Variants in CACNA1C observed in about 807,000 individuals in gnomAD.
CACNA1C encodes voltage-dependent L-type calcium channel subunit alpha-1C.
In CACNA1C, 30 loss-of-function variants were observed where a neutral mutation model predicts 229.0. The ratio of observed to expected loss-of-function variants is 0.13; its 90% CI spans 0.10 to 0.18. The LOEUF is 0.18. Ranked by LOEUF, CACNA1C falls within the 10% of genes least tolerant of loss-of-function variation. CACNA1C has a pLI of 1.00. For synonymous variants in CACNA1C, 1,114 were observed against 1,132.5 expected (o/e 0.98, Z 0.33); for missense variants, 1,658 against 2,845.0 (o/e 0.58, Z 9.49).
chr12:2,039,545 G>GT (rs2049729563), intron 1 of CACNA1C, among the ~76,000 whole-genome samples: 1 of 152,182 alleles, frequency 6.6e-6, no homozygotes, highest in South Asian at 2.1e-4. Flanking sequence ...AAATTCAAAG[G>GT]TAAGTACAAC....
chr12:2,190,386 A>G (rs540940694), intron 3 of CACNA1C, among the ~76,000 whole-genome samples: 30 of 152,132 alleles, frequency 2.0e-4, no homozygotes, highest in Non-Finnish European at 3.7e-4. Context: ...GCAGTGCCCC[A>G]TTCCCTCCAT....
chr12:2,164,203 A>G (rs563761419), intron 3 of CACNA1C, among the ~76,000 whole-genome samples: 2 of 152,318 alleles, frequency 1.3e-5, no homozygotes, highest in East Asian at 3.9e-4. Context: ...TGACTGCTTC[A>G]TGGACAATAA....
At chr12:2,197,795 T>G (rs545299616) in intron 3 of CACNA1C, among the ~76,000 whole-genome samples, 1 of 152,312 alleles carries the variant, frequency 6.6e-6, no homozygotes, top group East Asian at 1.9e-4. Flanking sequence ...TTTACTAATT[T>G]CAAAATCTGA....
At position 2,691,213 on chromosome 12, in the gene CACNA1C, A is replaced by C; in HGVS notation, c.*14A>C. ...AGCAGCCTGTAGTGGGCGCTGCCAG[A>C]TGCGGGCTTTTTTTTATTTGTTTCA... On this transcript the variant is annotated 3_prime_UTR_variant, in exon 47 of 47. Transcript: ENST00000399655. 6.6e-7 allele frequency: 1 copy of C among 1,524,968 alleles called. No homozygotes were observed. The highest frequency in any genetic ancestry group is 8.8e-7 in the Non-Finnish European group (1 of 1,138,808). 94.5% of individuals were successfully genotyped at this position (1,524,968 alleles called of 1,614,324 possible). A position where few individuals can be genotyped will look rare whatever the true frequency, so the allele number is the denominator to read the frequency against.
At chr12:2,240,591 C>T (rs564327865) in intron 3 of CACNA1C, among the ~76,000 whole-genome samples, 1 of 152,308 alleles carries the variant, frequency 6.6e-6, no homozygotes, top group Non-Finnish European at 1.5e-5. Context: ...TGAGACATTT[C>T]ATAAGATCTG....
intron 38 of CACNA1C, among the ~76,000 whole-genome samples, chr12:2,671,353 G>C (rs755752294): frequency 3.3e-5 from 5 of 152,154 alleles, no homozygotes; most frequent in African/African-American, 4.8e-5. Flanking sequence ...GTATAACAAG[G>C]AAGAAAACTG....
chr12:2,652,310 G>A (rs1330438383), intron 32 of CACNA1C, among the ~76,000 whole-genome samples: 2 of 152,192 alleles, frequency 1.3e-5, no homozygotes, highest in African/African-American at 4.8e-5. Context: ...GGACTGCCTG[G>A]CCATGTGATC....
intron 11 of CACNA1C, among the ~76,000 whole-genome samples, chr12:2,565,589 G>A (rs916235211): frequency 3.3e-5 from 5 of 152,120 alleles, no homozygotes; most frequent in Admixed American, 1.3e-4. Context: ...GTAATTCTGT[G>A]TGTAGCCAGG....
chr12:2,620,487 C>T (rs1244391160), intron 29 of CACNA1C, among the ~76,000 whole-genome samples: 1 of 152,216 alleles, frequency 6.6e-6, no homozygotes, highest in Non-Finnish European at 1.5e-5. Context: ...TCTCGAGTCA[C>T]CACCCTCTGG....
chr12:2,037,366 T>C (rs2049327866), intron 1 of CACNA1C, among the ~76,000 whole-genome samples: 2 of 152,258 alleles, frequency 1.3e-5, no homozygotes, highest in Admixed American at 6.5e-5. Context: ...TTATTACTGG[T>C]ATCATCAAAC....
intron 1 of CACNA1C, among the ~76,000 whole-genome samples, chr12:2,063,255 G>A (rs557275682): frequency 2.6e-5 from 4 of 151,626 alleles, no homozygotes; most frequent in South Asian, 2.1e-4. Flanking sequence ...TGGTTCAAGC[G>A]ATTCTCCTGC....
intron 1 of CACNA1C, among the ~76,000 whole-genome samples, chr12:2,098,256 G>C (rs547603031): frequency 2.0e-5 from 3 of 152,334 alleles, no homozygotes; most frequent in African/African-American, 2.4e-5. Context: ...TCTGCCTGCT[G>C]TCTGGTGGGG....
At position 2,597,685 on chromosome 12, in the gene CACNA1C, C is replaced by G. The variant is rs888149767; in HGVS notation, c.2853+396C>G. Reference sequence around the variant, plus strand: ...CCCAGACTTAGAAGCCAGGAGCAGCCTACCCCACCACAGCTCCTCCCTCCA... The same window carrying G: ...CCCAGACTTAGAAGCCAGGAGCAGCGTACCCCACCACAGCTCCTCCCTCCA... On this transcript the variant is annotated intron_variant, in intron 21 of 46. Transcript: ENST00000399655. This position sits in a 1 kb window ranked among gnomAD's most constrained non-coding sequence, Gnocchi z 4.3. Among the ~76,000 whole-genome samples the G allele has an allele frequency of 3.9e-5, 6 of 152,190 alleles. No homozygotes were observed. Among genetic ancestry groups the G allele is most frequent in the African/African-American group, 1.4e-4 (6 of 41,444 alleles).
chr12:2,677,423 C>A lies in CACNA1C; in HGVS notation c.4956+202C>A. 3.2e-6 allele frequency: 2 copies of A among 631,364 alleles called. No individual in the cohort carries two copies. Among genetic ancestry groups the A allele is most frequent in the East Asian group, 2.8e-5 (1 of 36,020 alleles). The allele number at this position is 631,364 out of a possible 1,614,324, so 39.1% of individuals were successfully genotyped here. A position where few individuals can be genotyped will look rare whatever the true frequency, so the allele number is the denominator to read the frequency against. On this transcript the variant is annotated intron_variant, in intron 40 of 46. Transcript: ENST00000399655. The surrounding 1 kb of genome is among the most constrained non-coding windows in gnomAD (Gnocchi z 7.4). ...CCCTACCTGCCACCCACCGACTGCCCTCCATGGTTCTGCCTGCTGTCATAG... is the reference window on the plus strand; with the variant it reads ...CCCTACCTGCCACCCACCGACTGCCATCCATGGTTCTGCCTGCTGTCATAG...
intron 3 of CACNA1C, among the ~76,000 whole-genome samples, chr12:2,447,862 C>CT (rs2099314168): frequency 6.6e-6 from 1 of 152,226 alleles, no homozygotes; most frequent in African/African-American, 2.4e-5. Flanking sequence ...GAAAATGGGT[C>CT]TAGGGGTTCT....
intron 3 of CACNA1C, among the ~76,000 whole-genome samples, chr12:2,191,614 GCA>G (rs2097216485): frequency 6.7e-6 from 1 of 150,186 alleles, no homozygotes; most frequent in Non-Finnish European, 1.5e-5. Flanking sequence ...ATGCGCTCAG[GCA>G]CACATGCACT....
intron 5 of CACNA1C, among the ~76,000 whole-genome samples, chr12:2,462,112 C>CA (rs759184781): frequency 6.6e-6 from 1 of 151,542 alleles, no homozygotes; most frequent in Non-Finnish European, 1.5e-5. Flanking sequence ...CAGCCCTCCA[C>CA]AGTGACTCCC....
At position 2,067,558 on chromosome 12, in the gene CACNA1C, A is replaced by G. The variant is rs2059840202; in HGVS notation, c.49+13947A>G. On this transcript the variant is annotated intron_variant, in intron 1 of 46. Coordinates refer to ENST00000399655, the MANE Select transcript of CACNA1C (RefSeq NM_000719.7). This position sits in a 1 kb window ranked among gnomAD's most constrained non-coding sequence, Gnocchi z 5.3. ...ATTGGTTTCACAGTTTGGCCTCCAGAGGGTCTTCTGGGTGCTGACACCAAA... is the reference window on the plus strand; with the variant it reads ...ATTGGTTTCACAGTTTGGCCTCCAGGGGGTCTTCTGGGTGCTGACACCAAA... 6.6e-6 allele frequency among the ~76,000 whole-genome samples: 1 copy of G among 151,840 alleles called. No individual in the cohort carries two copies. The highest frequency in any genetic ancestry group is 2.1e-4 in the South Asian group (1 of 4,814).
intron 3 of CACNA1C, among the ~76,000 whole-genome samples, chr12:2,359,349 C>T (rs929301783): frequency 6.6e-6 from 1 of 152,190 alleles, no homozygotes; most frequent in Admixed American, 6.5e-5. Flanking sequence ...ATAGACTCAC[C>T]TTCCTGCCTA....
Sources: gnomAD v4.1 joint callset for allele counts (sites outside exome capture counted in the v4.1 genomes callset) on GRCh38, gnomAD v4.1.1 for gene constraint, Gnocchi (gnomAD v3.1) non-coding constraint, MANE v1.5 for transcripts, NCBI Gene and HGNC (gene_info 2026-07-23, HGNC 2026-07-21) for gene names.